Variants in VPS13B observed in about 807,000 individuals in gnomAD.
VPS13B encodes intermembrane lipid transfer protein VPS13B.
A neutral mutation model predicts 426.4 loss-of-function variants in VPS13B; 285 were observed. The ratio of observed to expected loss-of-function variants is 0.67; its 90% CI spans 0.61 to 0.74. VPS13B has a LOEUF of 0.74. VPS13B is among the 30% of genes least tolerant of loss of function. The pLI is 0.00. For missense variants in VPS13B, 4,537 were observed against 4,782.6 expected (o/e 0.95, Z 1.51); for synonymous variants, 1,676 against 1,676.4 (o/e 1.00, Z 0.01).
intron 40 of VPS13B, 36 bp downstream of exon 40, chr8:99,767,006 T>G: frequency 1.3e-6 from 2 of 1,596,860 alleles, no homozygotes; most frequent in African/African-American, 2.7e-5. Flanking sequence ...AGCATTACAC[T>G]GGGAAACAAT....
rs1237681615 is a variant in VPS13B, at chr8:99,619,978, TG to T, written c.5221-21831del. Among the ~76,000 whole-genome samples the T allele has an allele frequency of 7.8e-4, 118 of 151,856 alleles. 2 individuals are homozygous for T. Among genetic ancestry groups the T allele is most frequent in the African/African-American group, 2.5e-3 (103 of 41,434 alleles). On this transcript the variant is annotated intron_variant, in intron 33 of 61. Transcript: ENST00000357162. ...AATAAGTAAATATAGCTGTTATTAA[TG>T]GTTTTTTTTTACTTTTGAAATTATA...
At chr8:99,269,626 A>G (rs927614399) in intron 17 of VPS13B, among the ~76,000 whole-genome samples, 4 of 152,232 alleles carry the variant, frequency 2.6e-5, no homozygotes, top group African/African-American at 4.8e-5. Context: ...AATGCTGCCT[A>G]TATCTGAAGC....
At chr8:99,467,671 A>G (rs1819182138) in intron 24 of VPS13B, 37 bp downstream of exon 24, 1 of 1,592,174 alleles carries the variant, frequency 6.3e-7, no homozygotes, top group Non-Finnish European at 8.6e-7. Context: ...AATTTAAAGT[A>G]ATGTGATTTA....
chr8:99,268,981 G>A (rs528801416), intron 17 of VPS13B, among the ~76,000 whole-genome samples: 1 of 152,206 alleles, frequency 6.6e-6, no homozygotes, highest in Admixed American at 6.6e-5. Context: ...ATCTGATGGT[G>A]TTATAAGGGG....
At chr8:99,206,115 T>C (rs1023325059) in intron 17 of VPS13B, among the ~76,000 whole-genome samples, 2 of 152,198 alleles carry the variant, frequency 1.3e-5, no homozygotes, top group African/African-American at 2.4e-5. Context: ...GAAGATTAAA[T>C]ATAAAGTCAC....
At chr8:99,727,707 G>A (rs1326652092) in intron 39 of VPS13B, among the ~76,000 whole-genome samples, 1 of 152,210 alleles carries the variant, frequency 6.6e-6, no homozygotes. Flanking sequence ...GGAATTATGG[G>A]AGTTACAAGA....
chr8:99,348,231 C>G (rs1448712301), intron 19 of VPS13B: 1 of 152,268 alleles, frequency 6.6e-6, no homozygotes, highest in Non-Finnish European at 1.5e-5. Context: ...CCTTTTGGCA[C>G]AGGACTGATG....
chr8:99,371,353 C>G, intron 19 of VPS13B, among the ~76,000 whole-genome samples: 1 of 152,054 alleles, frequency 6.6e-6, no homozygotes, highest in Non-Finnish European at 1.5e-5. Flanking sequence ...ATCCTTTTCC[C>G]GTTGCTTGTT....
chr8:99,171,519 T>C (rs1465097582), intron 16 of VPS13B, among the ~76,000 whole-genome samples: 1 of 151,944 alleles, frequency 6.6e-6, no homozygotes, highest in African/African-American at 2.4e-5. Context: ...TTATATAAAA[T>C]CAATATTGAA....
At position 99,781,274 on chromosome 8, in the gene VPS13B, C is replaced by T. The variant is rs78585904; in HGVS notation, c.7779+2243C>T. Among the ~76,000 whole-genome samples, 1,421 of 152,202 alleles carry T rather than the reference C, an allele frequency of 9.3e-3. 31 individuals are homozygous for T. Among genetic ancestry groups the T allele is most frequent in the African/African-American group, 0.033 (1,360 of 41,556 alleles). ...GCCATTTGCAATTTGTTTTATATTT[C>T]TATGTCACTTTCCCAGATTTGGACA... On this transcript the variant is annotated intron_variant, in intron 42 of 61. Transcript: ENST00000357162.
chr8:99,237,121 G>T (rs1245982593), intron 17 of VPS13B, among the ~76,000 whole-genome samples: 3 of 152,154 alleles, frequency 2.0e-5, no homozygotes, highest in Non-Finnish European at 4.4e-5. Flanking sequence ...CTTCCCCCAT[G>T]ATTGTGAGGC....
At chr8:99,334,345 C>T (rs1294841769) in intron 19 of VPS13B, among the ~76,000 whole-genome samples, 1 of 151,948 alleles carries the variant, frequency 6.6e-6, no homozygotes, top group East Asian at 1.9e-4. Flanking sequence ...ATCCTTTTGG[C>T]ATTTCAGATA....
rs573632449 is a variant in VPS13B at position 99,405,244 on chromosome 8, TG to T, written c.3082+13544del. Reference sequence around the variant, plus strand: ...TACACATCTCTACTTAGGTATTATATGGGGTGCTCAAGCCTAACATGTCTTG... The same window carrying T: ...TACACATCTCTACTTAGGTATTATATGGGTGCTCAAGCCTAACATGTCTTG... On this transcript the variant is annotated intron_variant, in intron 21 of 61. Transcript: ENST00000357162. Among the ~76,000 whole-genome samples, 921 of 152,262 alleles carry T rather than the reference TG, an allele frequency of 6.0e-3. 13 individuals are homozygous for T. Among genetic ancestry groups the T allele is most frequent in the African/African-American group, 0.021 (876 of 41,528 alleles).
rs1348521177 is a variant in VPS13B at position 99,835,278 on chromosome 8, C to T, written c.9696C>T (p.Ile3232=). 1 of 1,613,462 alleles carries T rather than the reference C, an allele frequency of 6.2e-7. No individual in the cohort carries two copies. The highest frequency in any genetic ancestry group is 1.1e-5 in the South Asian group (1 of 91,062). Residue 3232 remains isoleucine (I), a synonymous_variant, in exon 53 of 62, where the codon ATC becomes ATT. Coordinates refer to ENST00000357162, the MANE Select transcript of VPS13B (RefSeq NM_152564.5). ...LSEDPSPRVI[I]HNRCPVKMLI... ...AAGACCCTAGTCCTCGAGTAATTATCCACAATAGATGTCCAGTAAAAATGC... is the reference window on the plus strand; with the variant it reads ...AAGACCCTAGTCCTCGAGTAATTATTCACAATAGATGTCCAGTAAAAATGC...
intron 17 of VPS13B, among the ~76,000 whole-genome samples, chr8:99,254,748 T>A (rs924250636): frequency 6.6e-6 from 1 of 152,030 alleles, no homozygotes; most frequent in South Asian, 2.1e-4. Context: ...GCTCAAGTGA[T>A]TCTCCTGCCT....
intron 33 of VPS13B, among the ~76,000 whole-genome samples, chr8:99,637,880 T>C (rs1188169178): frequency 6.6e-6 from 1 of 152,138 alleles, no homozygotes; most frequent in Non-Finnish European, 1.5e-5. Context: ...CTTATAAAGC[T>C]TGAGTTCTTG....
Position 99,868,191 on chromosome 8 carries a change from C to G in VPS13B, c.11216-98C>G, listed in dbSNP as rs1348730970. 5 of 1,495,202 alleles carry G rather than the reference C, an allele frequency of 3.3e-6. No individual in the cohort carries two copies. The African/African-American group carries it at 6.9e-5, about 21-fold the overall frequency. 92.6% of individuals were successfully genotyped at this position (1,495,202 alleles called of 1,614,324 possible). A position where few individuals can be genotyped will look rare whatever the true frequency, so the allele number is the denominator to read the frequency against. On this transcript the variant is annotated intron_variant, in intron 58 of 61. Coordinates refer to ENST00000357162, the MANE Select transcript of VPS13B (RefSeq NM_152564.5). Reference sequence around the variant, plus strand: ...AAGACCTTTATAATGAGGGTGGGGACTCATTTTCAATCCAGATAAAACTGT... The same window carrying G: ...AAGACCTTTATAATGAGGGTGGGGAGTCATTTTCAATCCAGATAAAACTGT...
chr8:99,389,046 G>A (rs1299652937), intron 20 of VPS13B, among the ~76,000 whole-genome samples: 1 of 152,124 alleles, frequency 6.6e-6, no homozygotes, highest in Non-Finnish European at 1.5e-5. Flanking sequence ...CTACTAGGGA[G>A]GCTGAGGCAG....
intron 17 of VPS13B, among the ~76,000 whole-genome samples, chr8:99,246,088 T>A (rs1056623667): frequency 6.6e-6 from 1 of 152,256 alleles, no homozygotes; most frequent in African/African-American, 2.4e-5. Context: ...TCTCCAAACT[T>A]GCCCAACATG....
Sources: gnomAD v4.1 joint callset for allele counts (sites outside exome capture counted in the v4.1 genomes callset) on GRCh38, gnomAD v4.1.1 for gene constraint, MANE v1.5 for transcripts, NCBI Gene and HGNC (gene_info 2026-07-23, HGNC 2026-07-21) for gene names.